The following U2SURP variants were observed in gnomAD, a reference collection of about 807,000 sequenced individuals.
U2SURP encodes the protein U2 snRNP associated SURP domain containing, also known as U2 snRNP-associated SURP motif-containing protein.
In U2SURP, 9 loss-of-function variants were observed where a neutral mutation model predicts 144.9. The ratio of observed to expected loss-of-function variants is 0.06; its 90% confidence interval spans 0.04 to 0.11. The LOEUF is 0.11. U2SURP is among the 10% of genes least tolerant of loss of function. The pLI, the probability that U2SURP is intolerant of heterozygous loss-of-function variation, is 1.00. For synonymous variants in U2SURP, 408 were observed against 396.8 expected, an observed-to-expected ratio of 1.03 and a Z score of -0.33; for missense variants, 724 against 1,226.7, an observed-to-expected ratio of 0.59 and a Z score of 6.12.
At chr3:143,053,856 A>AAT (rs1271184030) in intron 26 of U2SURP, 62 bp downstream of exon 26, 1 of 1,336,130 alleles carries the variant, frequency 7.5e-7, no homozygotes, top group East Asian at 2.5e-5. Flanking sequence ...GGTGTTTTAT[A>AAT]ATACTTTCAT....
chr3:143,034,523 C>T (rs1041663772), intron 18 of U2SURP: 1 of 155,768 alleles, frequency 6.4e-6, no homozygotes, highest in Non-Finnish European at 1.4e-5. Flanking sequence ...ATTTAGAGAG[C>T]TGGATCCTAC....
chr3:143,009,268 A>G (rs1010411330), intron 1 of U2SURP, among the ~76,000 whole-genome samples: 7 of 152,148 alleles, frequency 4.6e-5, no homozygotes, highest in African/African-American at 1.7e-4. Context: ...ATCAGGGTGG[A>G]CACAAAAGTT....
rs751446385 is a variant in U2SURP at position 143,021,404 on chromosome 3, CTT to C, written c.769+22_769+23del. On this transcript the variant is annotated intron_variant, in intron 9 of 27. Transcript: ENST00000473835. ...TCTGGTGGTAATACAGTTTTTTGCT[CTT>C]TTAATCGATAAATTTTCCAAACTTT... is the stretch of plus-strand genomic sequence containing the variant. 10 of 1,605,544 alleles carry C rather than the reference CTT, an allele frequency of 6.2e-6. No individual in the cohort carries two copies. Among genetic ancestry groups the C allele is most frequent in the Non-Finnish European group, 8.5e-6 (10 of 1,175,128 alleles).
At chr3:143,005,782 CATT>C (rs1353013202) in intron 1 of U2SURP, among the ~76,000 whole-genome samples, 3 of 151,582 alleles carry the variant, frequency 2.0e-5, no homozygotes, top group East Asian at 1.9e-4. Context: ...TACTGGGTAT[CATT>C]GAGAGAAGAG....
intron 26 of U2SURP, among the ~76,000 whole-genome samples, 168 bp downstream of exon 26, chr3:143,053,962 T>C (rs575811033): frequency 6.6e-6 from 1 of 152,350 alleles, no homozygotes; most frequent in South Asian, 2.1e-4. Flanking sequence ...GGGCATTTAG[T>C]TGGCACTTGA....
chr3:143,035,886 G>A, intron 19 of U2SURP, 96 bp from the exon 20 acceptor site: 1 of 1,335,572 alleles, frequency 7.5e-7, no homozygotes, highest in Non-Finnish European at 9.9e-7. Flanking sequence ...CAGTTTAAAG[G>A]CAAATTTAGC....
chr3:143,003,410 G>C (rs893259596), intron 1 of U2SURP, among the ~76,000 whole-genome samples: 5 of 152,166 alleles, frequency 3.3e-5, no homozygotes, highest in African/African-American at 1.2e-4. Context: ...TAATAAGGCA[G>C]ATTGCTTAAA....
At chr3:143,047,224 TGATCCCCCCACCTCCCTCCCGGAC>T in intron 24 of U2SURP, among the ~76,000 whole-genome samples, 1 of 81,934 alleles carries the variant, frequency 1.2e-5, no homozygotes, top group African/African-American at 7.1e-5. Flanking sequence ...GGCGGGGGGC[TGATCCCCCCACCTCCCTCCCGGAC>T]GGGGCGGCCG....
At chr3:143,006,545 C>T (rs1021998701) in intron 1 of U2SURP, among the ~76,000 whole-genome samples, 1 of 152,118 alleles carries the variant, frequency 6.6e-6, no homozygotes, top group Admixed American at 6.5e-5. Flanking sequence ...CACCTGAGGT[C>T]GGGAGTTCAA....
At chr3:143,025,740 G>GATT (rs1933108968) in intron 13 of U2SURP, 1 of 152,066 alleles carries the variant, frequency 6.6e-6, no homozygotes, top group African/African-American at 2.4e-5. Context: ...TTAAATGCAT[G>GATT]ATTTCCCCTT....
chr3:143,052,775 A>G (rs555836656), intron 25 of U2SURP, among the ~76,000 whole-genome samples: 4 of 152,368 alleles, frequency 2.6e-5, no homozygotes, highest in Admixed American at 1.3e-4. Flanking sequence ...AGAATCAGCT[A>G]TCACATAGCT....
chr3:143,051,022 A>G lies in U2SURP; in HGVS notation c.2628A>G (p.Glu876=), dbSNP rs761124591. 1 of 1,612,082 alleles carries G rather than the reference A, an allele frequency of 6.2e-7. No homozygotes were observed. Among genetic ancestry groups the G allele is most frequent in the South Asian group, 1.1e-5 (1 of 90,656 alleles). ...KPGQSFQEQV[E]HYRDKLLQRE... ...GCCAGAGTTTTCAGGAGCAAGTAGA[A>G]CACTACAGAGATAAACTTCTTCAAC... The change falls in exon 25 of 28, where the codon GAA becomes GAG. Residue 876 remains glutamate (E), a synonymous_variant. Coordinates refer to ENST00000473835, the MANE Select transcript of U2SURP (RefSeq NM_001080415.2).
Position 143,038,930 on chromosome 3 carries a change from A to G in U2SURP, c.2354A>G (p.His785Arg). The G allele has an allele frequency of 1.9e-6, 3 of 1,545,470 alleles. No homozygotes were observed. Among genetic ancestry groups the G allele is most frequent in the Non-Finnish European group, 2.6e-6 (3 of 1,147,804 alleles). The change falls in exon 23 of 28, where the codon CAT becomes CGT. Residue 785 changes from histidine to arginine, a missense_variant. Transcript: ENST00000473835. Reference sequence around the variant, plus strand: ...TCTAAATGGGAATTATTTGACCAGCATGAAGAATCAGAAGAAGAAGAAAAT... The same window carrying G: ...TCTAAATGGGAATTATTTGACCAGCGTGAAGAATCAGAAGAAGAAGAAAAT... The part of the protein sequence containing the change: ...TTSKWELFDQ[H>R]EESEEEENQN...
At chr3:143,045,483 C>T (rs1934386201) in intron 24 of U2SURP, among the ~76,000 whole-genome samples, 1 of 151,996 alleles carries the variant, frequency 6.6e-6, no homozygotes, top group Admixed American at 6.6e-5. Flanking sequence ...AAGCTATTCC[C>T]TCATATAAAT....
rs1372593078 is a variant in U2SURP, at chr3:143,059,176, G to T, written c.*2726G>T. 3.3e-5 allele frequency: 5 copies of T among 152,422 alleles called. No individual in the cohort carries two copies. The South Asian group carries it at 8.3e-4, about 25-fold the overall frequency. 9.4% of individuals were successfully genotyped at this position (152,422 alleles called of 1,614,324 possible). A position where few individuals can be genotyped will look rare whatever the true frequency, so the allele number is the denominator to read the frequency against. On this transcript the variant is annotated 3_prime_UTR_variant, in exon 28 of 28. Coordinates refer to ENST00000473835, the MANE Select transcript of U2SURP (RefSeq NM_001080415.2). The stretch of plus-strand genomic sequence containing the variant: ...GAATTTCTGAGCTATAACATGTTGA[G>T]AAGTTAGAAATTAAAACTAACACAA...
intron 16 of U2SURP, among the ~76,000 whole-genome samples, chr3:143,029,181 A>T (rs16852909): frequency 6.6e-6 from 1 of 152,148 alleles, no homozygotes; most frequent in Non-Finnish European, 1.5e-5. Flanking sequence ...AAATGTTCAG[A>T]GGACATCCTG....
intron 1 of U2SURP, among the ~76,000 whole-genome samples, chr3:143,003,677 CTTT>C (rs60505715): frequency 2.0e-5 from 2 of 101,506 alleles, no homozygotes; most frequent in African/African-American, 7.0e-5. Flanking sequence ...TATTTTATTT[CTTT>C]TTTTTTTTTT....
chr3:143,053,299 G>T (rs989151234), intron 25 of U2SURP, among the ~76,000 whole-genome samples: 3 of 152,108 alleles, frequency 2.0e-5, no homozygotes, highest in East Asian at 1.9e-4. Flanking sequence ...TGACTCTCCT[G>T]TGTGACCATG....
In U2SURP at chr3:143,057,136, C is replaced by A. The variant is rs1412131369; in HGVS notation, c.*686C>A. On this transcript the variant is annotated 3_prime_UTR_variant, in exon 28 of 28. Coordinates refer to ENST00000473835, the MANE Select transcript of U2SURP (RefSeq NM_001080415.2). ...TTGTTAGTGGAATGCCTGGCTAAAA[C>A]ATTTTTTTCACAGAAGCAATATGAT... The A allele has an allele frequency of 6.6e-6, 1 of 152,408 alleles. No individual in the cohort carries two copies. The highest frequency in any genetic ancestry group is 1.9e-4 in the East Asian group (1 of 5,206). 9.4% of individuals were successfully genotyped at this position (152,408 alleles called of 1,614,324 possible).
Sources: gnomAD v4.1 joint callset for allele counts (sites outside exome capture counted in the v4.1 genomes callset) on GRCh38, gnomAD v4.1.1 for gene constraint, MANE v1.5 for transcripts, NCBI Gene and HGNC (gene_info 2026-07-23, HGNC 2026-07-21) for gene names.